The following EPB41L3 variants were observed in gnomAD, a reference collection of about 807,000 sequenced individuals.
EPB41L3 encodes erythrocyte membrane protein band 4.1 like 3, also known as band 4.1-like protein 3.
In EPB41L3, 57 loss-of-function variants were observed where a neutral mutation model predicts 127.1. That is an observed-to-expected ratio of 0.45 (90% CI 0.36 to 0.56). The LOEUF (loss-of-function observed/expected upper bound fraction) is 0.56. Ranked by LOEUF, EPB41L3 falls within the 20% of genes least tolerant of loss-of-function variation. The pLI is 0.00. For missense variants in EPB41L3, 1,273 were observed against 1,372.2 expected (o/e 0.93, Z 1.14); for synonymous variants, 572 against 549.5 (o/e 1.04, Z -0.57).
At chr18:5,556,597 T>C (rs944457290) in intron 3 of EPB41L3, among the ~76,000 whole-genome samples, 1 of 152,160 alleles carries the variant, frequency 6.6e-6, no homozygotes, top group Admixed American at 6.6e-5. Context: ...TTAGGAAAGT[T>C]AGAGGGCAGA....
chr18:5,431,575 T>C (rs2079012797), intron 8 of EPB41L3, among the ~76,000 whole-genome samples: 1 of 152,244 alleles, frequency 6.6e-6, no homozygotes, highest in Admixed American at 6.5e-5. Context: ...AGTGATTTTA[T>C]ATTTACTGAT....
chr18:5,467,397 G>T (rs572013825), intron 3 of EPB41L3: 1 of 152,262 alleles, frequency 6.6e-6, no homozygotes, highest in Admixed American at 6.5e-5. Flanking sequence ...GACTAAACCT[G>T]TTTCTCTTCA....
intron 3 of EPB41L3, among the ~76,000 whole-genome samples, chr18:5,566,767 CTATT>C (rs1196879586): frequency 1.9e-4 from 28 of 145,226 alleles, no homozygotes; most frequent in Admixed American, 2.9e-4. Context: ...CTATTCTATT[CTATT>C]CTATTCTATT....
At chr18:5,407,849 A>G (rs2075666606) in intron 14 of EPB41L3, 113 bp from the exon 15 acceptor site, 3 of 867,162 alleles carry the variant, frequency 3.5e-6, no homozygotes, top group Admixed American at 2.0e-5. Context: ...ACGCTCTTGC[A>G]TATGGATGCC....
intron 3 of EPB41L3, among the ~76,000 whole-genome samples, chr18:5,601,823 T>G (rs1568631340): frequency 6.6e-6 from 1 of 152,202 alleles, no homozygotes; most frequent in Non-Finnish European, 1.5e-5. Flanking sequence ...TGTTTTTCCT[T>G]TGCAAACTAA....
At chr18:5,405,903 C>T (rs1476111714) in intron 16 of EPB41L3, among the ~76,000 whole-genome samples, 8 of 151,706 alleles carry the variant, frequency 5.3e-5, no homozygotes. Flanking sequence ...CTGGCCACTA[C>T]TTTCCCCATA....
intron 16 of EPB41L3, chr18:5,399,150 G>A (rs901481780): frequency 2.5e-6 from 1 of 399,070 alleles, no homozygotes; most frequent in African/African-American, 2.1e-5. Flanking sequence ...CCCGGAGACA[G>A]TGTCATAGGA....
upstream of EPB41L3, among the ~76,000 whole-genome samples, chr18:5,545,873 CTGTGTG>C (rs36213569): frequency 0.37 from 54,079 of 146,674 alleles, 10,060 homozygotes; most frequent in Non-Finnish European, 0.42. Context: ...CTGTATGACT[CTGTGTG>C]TGTGTGTGTG....
chr18:5,516,030 T>C (rs938253147), intron 1 of EPB41L3, among the ~76,000 whole-genome samples: 1 of 152,156 alleles, frequency 6.6e-6, no homozygotes, highest in Non-Finnish European at 1.5e-5. Context: ...CATAGAAAGT[T>C]AGACATGCTA....
intron 3 of EPB41L3, among the ~76,000 whole-genome samples, chr18:5,609,723 G>T (rs778381408): frequency 8.5e-5 from 13 of 152,136 alleles, no homozygotes; most frequent in Non-Finnish European, 1.8e-4. Context: ...ATGTGCATCT[G>T]CCACAAATGG....
intron 3 of EPB41L3, chr18:5,610,320 C>A: frequency 4.1e-6 from 4 of 985,208 alleles, no homozygotes; most frequent in Non-Finnish European, 4.8e-6. Context: ...GAGAATGACA[C>A]TTCCCTCCTT....
chr18:5,454,443 A>G (rs2082738503), intron 3 of EPB41L3, among the ~76,000 whole-genome samples: 1 of 152,106 alleles, frequency 6.6e-6, no homozygotes, highest in Non-Finnish European at 1.5e-5. Context: ...ATAAGCATGG[A>G]AAGTCCATTA....
intron 1 of EPB41L3, among the ~76,000 whole-genome samples, chr18:5,507,360 A>G (rs1209247830): frequency 6.6e-6 from 1 of 152,168 alleles, no homozygotes; most frequent in East Asian, 1.9e-4. Flanking sequence ...GTCTTTTTCA[A>G]AAAGGATTAA....
chr18:5,512,664 G>A (rs1486076933), intron 1 of EPB41L3, among the ~76,000 whole-genome samples: 19 of 152,180 alleles, frequency 1.2e-4, no homozygotes, highest in Admixed American at 6.5e-5. Context: ...TGATGACCCA[G>A]CAGAAAGAAG....
chr18:5,611,428 A>G (rs2094724024), intron 3 of EPB41L3, among the ~76,000 whole-genome samples: 1 of 152,242 alleles, frequency 6.6e-6, no homozygotes, highest in Non-Finnish European at 1.5e-5. Flanking sequence ...AAATTCATAC[A>G]GACAGAAAGT....
chr18:5,605,839 G>C (rs1398196292), intron 3 of EPB41L3, among the ~76,000 whole-genome samples: 3 of 152,128 alleles, frequency 2.0e-5, no homozygotes, highest in Non-Finnish European at 2.9e-5. Context: ...AGTACCAGGA[G>C]GGGTTCGGAG....
At chr18:5,580,515 TATTCAC>T (rs2094383855) in intron 3 of EPB41L3, among the ~76,000 whole-genome samples, 1 of 152,162 alleles carries the variant, frequency 6.6e-6, no homozygotes, top group South Asian at 2.1e-4. Flanking sequence ...TATATATACA[TATTCAC>T]ATGCAAATAT....
At position 5,473,450 on chromosome 18, in the gene EPB41L3, T is replaced by C. The variant is rs540905656; in HGVS notation, c.381+4791A>G. Among the ~76,000 whole-genome samples, 5 of 151,912 alleles carry C rather than the reference T, an allele frequency of 3.3e-5. No individual in the cohort carries two copies. In the South Asian group the frequency reaches 1.0e-3, roughly 32 times the overall value. On this transcript the variant is annotated intron_variant, in intron 3 of 22. Coordinates refer to ENST00000341928, the MANE Select transcript of EPB41L3 (RefSeq NM_012307.5). ...GATAGATGCAGCAGCAAACCTATCT[T>C]ATGAAATATGGACCGAAATTTGAGA...
intron 12 of EPB41L3, among the ~76,000 whole-genome samples, chr18:5,417,207 C>T (rs2076933821): frequency 6.6e-6 from 1 of 152,112 alleles, no homozygotes. Context: ...AATTTCCCAG[C>T]CTTCTGATTT....
Sources: gnomAD v4.1 joint callset for allele counts (sites outside exome capture counted in the v4.1 genomes callset) on GRCh38, gnomAD v4.1.1 for gene constraint, MANE v1.5 for transcripts, NCBI Gene and HGNC (gene_info 2026-07-23, HGNC 2026-07-21) for gene names.